RGPD2: variants seen among roughly 807,000 people sequenced by gnomAD.
RGPD2 encodes RANBP2-like and GRIP domain-containing protein 2.
RGPD2 carries 2 observed loss-of-function variants against 36.0 expected under a neutral mutation model. That is an observed-to-expected ratio of 0.06 (90% CI 0.02 to 0.17). The LOEUF is 0.17. Ranked by LOEUF, RGPD2 falls within the 10% of genes least tolerant of loss-of-function variation. The pLI, the probability that RGPD2 is intolerant of heterozygous loss-of-function variation, is 1.00. For synonymous variants in RGPD2, 19 were observed against 163.8 expected, an observed-to-expected ratio of 0.12 and a Z score of 6.75; for missense variants, 40 against 464.3, an observed-to-expected ratio of 0.09 and a Z score of 8.40.
the RGPD2 span, among the ~76,000 whole-genome samples, chr2:87,876,491 G>A: frequency 6.6e-6 from 1 of 152,254 alleles, no homozygotes; most frequent in Admixed American, 6.5e-5. Flanking sequence ...ATTTACCCAA[G>A]AGTCATTAAG....
At chr2:87,940,974 T>C in the RGPD2 span, among the ~76,000 whole-genome samples, 1 of 151,978 alleles carries the variant, frequency 6.6e-6, no homozygotes, top group Non-Finnish European at 1.5e-5. Flanking sequence ...CTATTATATA[T>C]CAACATTTAT....
At chr2:87,888,284 C>T in the RGPD2 span, among the ~76,000 whole-genome samples, 4 of 151,750 alleles carry the variant, frequency 2.6e-5, no homozygotes, top group African/African-American at 4.8e-5. Context: ...AAGGATTTAA[C>T]GATGCTGCTA....
At chr2:87,842,487 G>C in the RGPD2 span, among the ~76,000 whole-genome samples, 1 of 149,062 alleles carries the variant, frequency 6.7e-6, no homozygotes, top group Non-Finnish European at 1.5e-5. Context: ...AAAATACCTA[G>C]GAATCTAACT....
At chr2:87,852,859 C>T in the RGPD2 span, among the ~76,000 whole-genome samples, 1 of 152,274 alleles carries the variant, frequency 6.6e-6, no homozygotes. Flanking sequence ...TTATTTTCTC[C>T]ATAATAGTCA....
the RGPD2 span, among the ~76,000 whole-genome samples, chr2:87,964,523 C>G: frequency 6.6e-6 from 1 of 152,206 alleles, no homozygotes; most frequent in East Asian, 1.9e-4. Context: ...CTGTGTCAAA[C>G]AAATCTTTCT....
chr2:87,834,516 T>C, the RGPD2 span, among the ~76,000 whole-genome samples: 72 of 152,178 alleles, frequency 4.7e-4, no homozygotes, highest in African/African-American at 1.6e-3. Flanking sequence ...CAGGATACAG[T>C]GTGAATATAT....
chr2:87,852,767 A>G, the RGPD2 span, among the ~76,000 whole-genome samples: 1 of 152,298 alleles, frequency 6.6e-6, no homozygotes, highest in Non-Finnish European at 1.5e-5. Flanking sequence ...CTCTGATGGC[A>G]TGTCACCTTA....
the RGPD2 span, among the ~76,000 whole-genome samples, chr2:87,896,675 A>G: frequency 2.5e-5 from 1 of 39,858 alleles, no homozygotes; most frequent in Non-Finnish European, 5.2e-5. Flanking sequence ...TATCCCTTTG[A>G]AGTCATGGCA....
chr2:87,858,309 G>T, the RGPD2 span, among the ~76,000 whole-genome samples: 2 of 151,590 alleles, frequency 1.3e-5, no homozygotes, highest in South Asian at 4.2e-4. Flanking sequence ...AATAGTCACT[G>T]TTTAACCTTT....
chr2:87,911,310 G>A, the RGPD2 span, among the ~76,000 whole-genome samples: 11 of 144,988 alleles, frequency 7.6e-5, no homozygotes, highest in Non-Finnish European at 3.0e-5. Flanking sequence ...GAAAATTAAT[G>A]TTTTCTCAAA....
chr2:87,874,167 G>T, the RGPD2 span, among the ~76,000 whole-genome samples: 1 of 138,626 alleles, frequency 7.2e-6, no homozygotes, highest in Non-Finnish European at 1.6e-5. Flanking sequence ...TCTCTAGGTT[G>T]TCTGTTCACT....
At chr2:87,873,085 T>C in the RGPD2 span, among the ~76,000 whole-genome samples, 2 of 152,244 alleles carry the variant, frequency 1.3e-5, no homozygotes, top group Non-Finnish European at 2.9e-5. Context: ...AGTGAGAACA[T>C]GTGGTGTTTG....
chr2:87,830,587 C>T (rs536029282), upstream of RGPD2, among the ~76,000 whole-genome samples: 1 of 152,154 alleles, frequency 6.6e-6, no homozygotes, highest in African/African-American at 2.4e-5. Flanking sequence ...TACCAATTGA[C>T]TGTATTAGCT....
At chr2:87,879,169 G>C in the RGPD2 span, among the ~76,000 whole-genome samples, 1 of 151,476 alleles carries the variant, frequency 6.6e-6, no homozygotes, top group Non-Finnish European at 1.5e-5. Context: ...AATCCTTGTG[G>C]GTACATAGTA....
intron 7 of RGPD2, among the ~76,000 whole-genome samples, chr2:87,805,771 A>G (rs1685925243): frequency 6.6e-6 from 1 of 152,194 alleles, no homozygotes; most frequent in South Asian, 2.1e-4. Flanking sequence ...GAGGCAGGAA[A>G]ATGGTGTGAA....
the RGPD2 span, among the ~76,000 whole-genome samples, chr2:87,860,786 G>A: frequency 6.6e-6 from 1 of 152,150 alleles, no homozygotes; most frequent in Non-Finnish European, 1.5e-5. Flanking sequence ...TTATCTCATA[G>A]GGATCTTGGT....
At chr2:87,986,677 C>T in the RGPD2 span, among the ~76,000 whole-genome samples, 3 of 151,348 alleles carry the variant, frequency 2.0e-5, no homozygotes, top group Middle Eastern at 3.4e-3. Context: ...GTCAGGAGTT[C>T]GAAACCAGCC....
At chr2:87,824,787 A>C (rs1232244989) in intron 1 of RGPD2, among the ~76,000 whole-genome samples, 404 of 16,306 alleles carry the variant, frequency 0.025, 15 homozygotes, top group African/African-American at 0.12. Context: ...GCCGAGGCCG[A>C]GGCCGAGGCC....
the RGPD2 span, among the ~76,000 whole-genome samples, chr2:87,863,829 A>G: frequency 3.3e-5 from 5 of 152,180 alleles, no homozygotes; most frequent in African/African-American, 7.2e-5. Flanking sequence ...AATATTGTCA[A>G]TGTTACATCA....
Sources: allele counts gnomAD v4.1 joint callset (sites outside exome capture counted in the v4.1 genomes callset), GRCh38; gene constraint gnomAD v4.1.1; transcripts MANE v1.5; gene names NCBI Gene and HGNC (gene_info 2026-07-23, HGNC 2026-07-21).